The following ZC4H2 variants were observed in gnomAD, a reference collection of about 807,000 sequenced individuals.
ZC4H2 encodes the protein zinc finger C4H2 domain-containing protein.
For synonymous variants in ZC4H2, 84 were observed against 66.3 expected (o/e 1.27, Z -1.30); for missense variants, 137 against 173.9 (o/e 0.79, Z 1.19).
At chrX:64,985,716 A>G (rs1210549090) in intron 1 of ZC4H2, among the ~76,000 whole-genome samples, 2 of 111,736 alleles carry the variant, frequency 1.8e-5, no homozygotes, top group East Asian at 2.8e-4. Flanking sequence ...GGTTTCCCAG[A>G]CAGGTGTTTT....
intron 2 of ZC4H2, among the ~76,000 whole-genome samples, chrX:64,921,502 G>A (rs1403621310): frequency 1.8e-5 from 2 of 111,891 alleles, no homozygotes; most frequent in Non-Finnish European, 3.8e-5. Context: ...TTTTCCCCAA[G>A]GCTAGCTCTC....
At chrX:64,938,967 G>A (rs988392863) in intron 1 of ZC4H2, among the ~76,000 whole-genome samples, 1 of 111,899 alleles carries the variant, frequency 8.9e-6, no homozygotes, top group African/African-American at 3.2e-5. Flanking sequence ...GAAATAAAGG[G>A]TATTCAAATA....
intron 1 of ZC4H2, among the ~76,000 whole-genome samples, chrX:64,989,576 TGAAA>T (rs1362140519): frequency 1.8e-5 from 2 of 111,887 alleles, no homozygotes; most frequent in Non-Finnish European, 3.8e-5. Context: ...TTTTTCTATG[TGAAA>T]GAAGATGAAA....
At chrX:64,927,379 G>A (rs1255150088) in intron 1 of ZC4H2, among the ~76,000 whole-genome samples, 1 of 110,915 alleles carries the variant, frequency 9.0e-6, no homozygotes, top group African/African-American at 3.3e-5. Flanking sequence ...AGAACATGTA[G>A]TGTTTAGTTT....
In ZC4H2 at chrX:64,939,460, A is replaced by G. The variant is rs191062852; in HGVS notation, c.54-17472T>C. On this transcript the variant is annotated intron_variant, in intron 1 of 4. Transcript: ENST00000374839. ...ACTACTTTTAACTTCATATGGAACC[A>G]AAAAAGAGCCCACATAGCCAAGACA... Among the ~76,000 whole-genome samples the G allele has an allele frequency of 3.6e-5, 4 of 112,295 alleles. No individual in the cohort carries two copies. The Admixed American group carries it at 3.8e-4, about 11-fold the overall frequency.
intron 4 of ZC4H2, chrX:64,918,145 T>A (rs1464118897): frequency 7.0e-6 from 2 of 287,402 alleles, no homozygotes; most frequent in Non-Finnish European, 1.2e-5. Flanking sequence ...GAACTACACA[T>A]CTTTTCGTCA....
intron 1 of ZC4H2, among the ~76,000 whole-genome samples, chrX:64,958,093 AAAT>A (rs759645099): frequency 1.0e-3 from 117 of 111,758 alleles, no homozygotes; most frequent in African/African-American, 3.7e-3. Flanking sequence ...GTACACTCTA[AAAT>A]AATGATAAAA....
chrX:64,983,588 C>A (rs923463503), intron 1 of ZC4H2, among the ~76,000 whole-genome samples: 1 of 111,222 alleles, frequency 9.0e-6, no homozygotes, highest in African/African-American at 3.3e-5. Flanking sequence ...AATCATGTTC[C>A]CAGTCCTATA....
chrX:64,987,725 C>G (rs2147271158), intron 1 of ZC4H2, among the ~76,000 whole-genome samples: 1 of 108,814 alleles, frequency 9.2e-6, no homozygotes, highest in African/African-American at 3.3e-5. Context: ...ATTATCACCT[C>G]TGAATTCTTT....
At chrX:65,023,050 TG>T (rs1932849027) in intron 1 of ZC4H2, among the ~76,000 whole-genome samples, 1 of 112,015 alleles carries the variant, frequency 8.9e-6, no homozygotes, top group South Asian at 3.7e-4. Flanking sequence ...CATCCTGTTT[TG>T]GTTACTGTAG....
chrX:64,958,581 A>C (rs944836442), intron 1 of ZC4H2, among the ~76,000 whole-genome samples: 4 of 111,347 alleles, frequency 3.6e-5, no homozygotes, highest in Admixed American at 1.9e-4. Context: ...CTTTGCCTCA[A>C]TCTCCCCACC....
intron 1 of ZC4H2, among the ~76,000 whole-genome samples, chrX:64,965,646 A>G (rs1313884349): frequency 9.0e-6 from 1 of 111,481 alleles, no homozygotes; most frequent in Admixed American, 9.5e-5. Context: ...TCAACATTAA[A>G]AGTTTCTGGC....
At chrX:64,945,883 G>A (rs986083464) in intron 1 of ZC4H2, among the ~76,000 whole-genome samples, 4 of 110,917 alleles carry the variant, frequency 3.6e-5, no homozygotes, top group African/African-American at 1.3e-4. Flanking sequence ...ACACTGTGTG[G>A]GGAAAACCAC....
intron 1 of ZC4H2, among the ~76,000 whole-genome samples, chrX:64,953,490 C>A (rs1248345735): frequency 1.8e-5 from 2 of 112,147 alleles, no homozygotes; most frequent in African/African-American, 3.2e-5. Context: ...AAACAAAGAA[C>A]CCCTTCAACA....
At chrX:64,980,581 A>G (rs1028203781), upstream of ZC4H2, among the ~76,000 whole-genome samples, 1 of 112,418 alleles carries the variant, frequency 8.9e-6, no homozygotes, top group African/African-American at 3.2e-5. Context: ...CCAGGGATAT[A>G]TAGTGCTTTG....
intron 1 of ZC4H2, among the ~76,000 whole-genome samples, chrX:64,975,054 G>T (rs1348395467): frequency 9.2e-6 from 1 of 108,582 alleles, no homozygotes; most frequent in East Asian, 2.9e-4. Flanking sequence ...AGTGGGAAAA[G>T]GAATACCTTT....
intron 1 of ZC4H2, among the ~76,000 whole-genome samples, chrX:64,937,922 T>C (rs1022621952): frequency 7.2e-5 from 8 of 110,686 alleles, no homozygotes; most frequent in Non-Finnish European, 1.3e-4. Context: ...AAGACAAGAA[T>C]TAACTAAGAT....
chrX:64,935,949 G>A (rs142396458), intron 1 of ZC4H2, among the ~76,000 whole-genome samples: 2,016 of 110,542 alleles, frequency 0.018, 34 homozygotes, highest in Middle Eastern at 0.041. Flanking sequence ...ATTAGGCTTC[G>A]GAAGGTGGGT....
intron 1 of ZC4H2, among the ~76,000 whole-genome samples, chrX:64,935,802 G>A (rs1340753950): frequency 9.0e-6 from 1 of 111,081 alleles, no homozygotes; most frequent in African/African-American, 3.3e-5. Context: ...CCATTCTAAG[G>A]TCACTAACAT....
Sources: gnomAD v4.1 joint callset for allele counts (sites outside exome capture counted in the v4.1 genomes callset) on GRCh38, gnomAD v4.1.1 for gene constraint, MANE v1.5 for transcripts, NCBI Gene and HGNC (gene_info 2026-07-23, HGNC 2026-07-21) for gene names.